The following MAPKAP1 variants were observed in gnomAD, a reference collection of about 807,000 sequenced individuals.
MAPKAP1 encodes target of rapamycin complex 2 subunit MAPKAP1.
A neutral mutation model predicts 65.7 loss-of-function variants in MAPKAP1; 20 were observed. That is an observed-to-expected ratio of 0.30 (90% confidence interval 0.21 to 0.44). The LOEUF (loss-of-function observed/expected upper bound fraction) is 0.44. Among genes scored for constraint, MAPKAP1 ranks in the 20% least tolerant of loss-of-function variants. The pLI is 1.00. For missense variants in MAPKAP1, 423 were observed against 648.0 expected (o/e 0.65, Z 3.77); for synonymous variants, 222 against 244.3 (o/e 0.91, Z 0.85).
At chr9:125,566,740 T>C (rs1038123103) in intron 5 of MAPKAP1, among the ~76,000 whole-genome samples, 5 of 152,218 alleles carry the variant, frequency 3.3e-5, no homozygotes, top group African/African-American at 9.7e-5. Context: ...AGTTCTTCAA[T>C]GTCCACCCAG....
At chr9:125,693,867 A>ACACACACACC (rs1835306133) in intron 1 of MAPKAP1, among the ~76,000 whole-genome samples, 1 of 151,310 alleles carries the variant, frequency 6.6e-6, no homozygotes, top group Non-Finnish European at 1.5e-5. Flanking sequence ...ACACACACAC[A>ACACACACACC]CACACATATA....
chr9:125,684,792 C>T (rs1346701314), intron 1 of MAPKAP1, among the ~76,000 whole-genome samples: 1 of 152,156 alleles, frequency 6.6e-6, no homozygotes, highest in Non-Finnish European at 1.5e-5. Flanking sequence ...GGCGATCCTC[C>T]CAACTTGGCC....
intron 1 of MAPKAP1, among the ~76,000 whole-genome samples, chr9:125,693,181 G>A (rs1835219780): frequency 6.6e-6 from 1 of 152,090 alleles, no homozygotes; most frequent in South Asian, 2.1e-4. Flanking sequence ...GGGAGGCCGA[G>A]GCAGGCGGAT....
intron 2 of MAPKAP1, among the ~76,000 whole-genome samples, chr9:125,670,487 CATT>C (rs1205838434): frequency 1.0e-3 from 159 of 152,222 alleles, no homozygotes; most frequent in Non-Finnish European, 4.4e-5. Flanking sequence ...ATCTTTGTAA[CATT>C]AGTCAAATCT....
intron 3 of MAPKAP1, among the ~76,000 whole-genome samples, chr9:125,665,922 C>T (rs1221315335): frequency 6.6e-6 from 1 of 152,096 alleles, no homozygotes; most frequent in Admixed American, 6.5e-5. Context: ...CCTTATTTGC[C>T]TATTAGACTT....
At chr9:125,698,287 AAATATATATATATAT>A (rs1466821372) in intron 1 of MAPKAP1, among the ~76,000 whole-genome samples, 61 of 27,110 alleles carry the variant, frequency 2.3e-3, no homozygotes, top group African/African-American at 9.0e-3. Context: ...TAATATATAT[AAATATATATATATAT>A]ATATATATAT....
At chr9:125,547,211 T>C (rs1830451971) in intron 6 of MAPKAP1, among the ~76,000 whole-genome samples, 1 of 152,166 alleles carries the variant, frequency 6.6e-6, no homozygotes, top group Admixed American at 6.5e-5. Flanking sequence ...GCAGGCTTTC[T>C]GTACTAAGCA....
chr9:125,699,523 G>C (rs1411918725), intron 1 of MAPKAP1, among the ~76,000 whole-genome samples: 3 of 152,022 alleles, frequency 2.0e-5, no homozygotes, highest in African/African-American at 7.2e-5. Context: ...ATAATTTTAT[G>C]CATGAAATAA....
At position 125,447,813 on chromosome 9, in the gene MAPKAP1, T is replaced by G. The variant is rs914977158; in HGVS notation, c.1346-3215A>C. Among the ~76,000 whole-genome samples the G allele has an allele frequency of 1.3e-5, 2 of 152,040 alleles. No homozygotes were observed. Among genetic ancestry groups the G allele is most frequent in the African/African-American group, 4.8e-5 (2 of 41,394 alleles). ...CAGTTTCTTGGGAGGAGCTGACACC[T>G]CCGCAGTTTTGGAGGAGGGCAGGGA... On this transcript the variant is annotated intron_variant, in intron 10 of 11. Coordinates refer to ENST00000265960, the MANE Select transcript of MAPKAP1 (RefSeq NM_001006617.3). The surrounding 1 kb of genome is among the most constrained non-coding windows in gnomAD (Gnocchi z 4.5).
chr9:125,487,275 T>C (rs1034699739), intron 8 of MAPKAP1, among the ~76,000 whole-genome samples: 3 of 152,128 alleles, frequency 2.0e-5, no homozygotes, highest in African/African-American at 7.2e-5. Context: ...ATTACCACTC[T>C]CTCCTGGGTA....
intron 4 of MAPKAP1, chr9:125,650,569 T>C (rs1448023942): frequency 2.0e-5 from 3 of 152,200 alleles, no homozygotes; most frequent in Admixed American, 6.5e-5. Context: ...CTGACAAACA[T>C]GTTCTTTCCA....
At chr9:125,482,806 G>A (rs1854366175) in intron 9 of MAPKAP1, among the ~76,000 whole-genome samples, 1 of 152,160 alleles carries the variant, frequency 6.6e-6, no homozygotes, top group Non-Finnish European at 1.5e-5. Flanking sequence ...GTCTGCTTTG[G>A]TTCGAAGTTA....
At chr9:125,467,714 C>G (rs1853731696) in intron 10 of MAPKAP1, among the ~76,000 whole-genome samples, 1 of 152,180 alleles carries the variant, frequency 6.6e-6, no homozygotes, top group Admixed American at 6.5e-5. Flanking sequence ...GCCCCCAGCT[C>G]CCGGGGCTGG....
At chr9:125,583,898 C>T (rs1267932119) in intron 5 of MAPKAP1, among the ~76,000 whole-genome samples, 1 of 152,108 alleles carries the variant, frequency 6.6e-6, no homozygotes, top group African/African-American at 2.4e-5. Context: ...CCCGTCTCTA[C>T]TAAAAATACA....
At chr9:125,529,740 C>G (rs887687463) in intron 7 of MAPKAP1, among the ~76,000 whole-genome samples, 1 of 152,184 alleles carries the variant, frequency 6.6e-6, no homozygotes, top group African/African-American at 2.4e-5. Context: ...GCCTGCCATA[C>G]TGTGATTAGT....
chr9:125,503,724 C>CT (rs879499450), intron 8 of MAPKAP1, among the ~76,000 whole-genome samples: 106 of 147,150 alleles, frequency 7.2e-4, no homozygotes, highest in African/African-American at 1.8e-3. Flanking sequence ...TTCTTTCTTT[C>CT]TTTTTTTTTT....
At chr9:125,515,760 A>T (rs1289996063) in intron 7 of MAPKAP1, among the ~76,000 whole-genome samples, 1 of 152,228 alleles carries the variant, frequency 6.6e-6, no homozygotes, top group African/African-American at 2.4e-5. Flanking sequence ...AGACTGGTCA[A>T]GGGGCCAGTC....
chr9:125,477,482 G>A (rs1355028718), intron 9 of MAPKAP1, among the ~76,000 whole-genome samples: 1 of 152,192 alleles, frequency 6.6e-6, no homozygotes, highest in African/African-American at 2.4e-5. Context: ...GGGAGATATT[G>A]AGCCAGCAGG....
chr9:125,592,474 T>C (rs567659792), intron 4 of MAPKAP1, among the ~76,000 whole-genome samples: 3 of 152,264 alleles, frequency 2.0e-5, no homozygotes, highest in African/African-American at 7.2e-5. Context: ...AACAAAATTG[T>C]AAATATTATA....
Sources: gnomAD v4.1 joint callset for allele counts (sites outside exome capture counted in the v4.1 genomes callset) on GRCh38, gnomAD v4.1.1 for gene constraint, Gnocchi (gnomAD v3.1) non-coding constraint, MANE v1.5 for transcripts, NCBI Gene and HGNC (gene_info 2026-07-23, HGNC 2026-07-21) for gene names.